Variants in TNS1 observed in about 807,000 individuals in gnomAD.
The protein encoded by TNS1 is tensin-1.
TNS1 carries 62 observed loss-of-function variants against 168.6 expected under a neutral mutation model. That is an observed-to-expected ratio of 0.37 (90% CI 0.30 to 0.45). The LOEUF is 0.45. TNS1 is among the 20% of genes least tolerant of loss of function. The pLI is 1.00. For missense variants in TNS1, 2,240 were observed against 2,339.4 expected (o/e 0.96, Z 0.88); for synonymous variants, 934 against 933.2 (o/e 1.00, Z -0.02).
At chr2:217,922,695 G>C (rs554603719) in intron 3 of TNS1, among the ~76,000 whole-genome samples, 1 of 152,326 alleles carries the variant, frequency 6.6e-6, no homozygotes, top group South Asian at 2.1e-4. Flanking sequence ...GGACAGGAGG[G>C]GGCCCAGGTA....
intron 3 of TNS1, among the ~76,000 whole-genome samples, chr2:217,975,621 C>T (rs1428181067): frequency 2.6e-5 from 4 of 152,170 alleles, no homozygotes; most frequent in African/African-American, 4.8e-5. Flanking sequence ...CTGGAGCCAT[C>T]TTTCCTAGAA....
intron 22 of TNS1, among the ~76,000 whole-genome samples, chr2:217,822,180 T>C (rs570839538): frequency 1.2e-4 from 19 of 152,214 alleles, no homozygotes; most frequent in African/African-American, 4.6e-4. Flanking sequence ...CCTCAGAACA[T>C]GGCCATCAGA....
intron 22 of TNS1, among the ~76,000 whole-genome samples, chr2:217,828,407 A>G (rs1487405633): frequency 6.6e-6 from 1 of 152,200 alleles, no homozygotes; most frequent in Non-Finnish European, 1.5e-5. Context: ...GTCAAAGGAA[A>G]ATGGGAAATA....
chr2:217,988,749 T>A (rs1426320515), intron 2 of TNS1, among the ~76,000 whole-genome samples: 1 of 152,044 alleles, frequency 6.6e-6, no homozygotes, highest in Non-Finnish European at 1.5e-5. Flanking sequence ...GTTAGCCACT[T>A]TCCCTCCCCC....
chr2:217,851,084 T>C (rs1229524776), intron 18 of TNS1, among the ~76,000 whole-genome samples: 1 of 151,716 alleles, frequency 6.6e-6, no homozygotes, highest in Non-Finnish European at 1.5e-5. Context: ...CTTCAAACAG[T>C]ATGTAATTTT....
rs1284196787 is a variant in TNS1 at position 218,032,002 on chromosome 2, C to T, written c.156+1818G>A. 6.6e-6 allele frequency among the ~76,000 whole-genome samples: 1 copy of T among 152,246 alleles called. No individual in the cohort carries two copies. Among genetic ancestry groups the T allele is most frequent in the South Asian group, 2.1e-4 (1 of 4,838 alleles). On this transcript the variant is annotated intron_variant, in intron 1 of 1. Transcript: ENST00000649572. This position sits in a 1 kb window ranked among gnomAD's most constrained non-coding sequence, Gnocchi z 4.0. ...AGAGCAAGGAGGCACGACTGGCACCCGGAGATGCCCGCCAGGCCCCTTGGC... is the reference window on the plus strand; with the variant it reads ...AGAGCAAGGAGGCACGACTGGCACCTGGAGATGCCCGCCAGGCCCCTTGGC...
intron 32 of TNS1, among the ~76,000 whole-genome samples, chr2:217,805,474 AC>A (rs1938410412): frequency 2.2e-4 from 9 of 40,562 alleles, no homozygotes; most frequent in Non-Finnish European, 3.4e-4. Flanking sequence ...CACCACACAC[AC>A]CACACACACC....
At chr2:217,859,490 A>T (rs1452041346) in intron 18 of TNS1, 8 of 671,526 alleles carry the variant, frequency 1.2e-5, no homozygotes, top group Non-Finnish European at 2.1e-5. Context: ...GAATAGAAGG[A>T]CTGGGGTGTC....
At position 217,817,875 on chromosome 2, in the gene TNS1, G is replaced by A; in HGVS notation, c.4457C>T (p.Pro1486Leu). The stretch of plus-strand genomic sequence containing the variant: ...TCGCTTCTCTGGCAAGGCTGGTGTT[G>A]GGCTCCCTTGCCGGAAGGCTGCGGA... ...PDSAAFRQGS[P>L]TPALPEKRRM... The change falls in exon 24 of 33, where the codon CCA becomes CTA. Residue 1486 changes from proline (P) to leucine (L), a missense_variant. By Grantham distance (98) the Pro-to-Leu change is moderately conservative (BLOSUM62 -3). Coordinates refer to ENST00000682258, the MANE Select transcript of TNS1 (RefSeq NM_001387777.1). The A allele has an allele frequency of 6.2e-7, 1 of 1,614,146 alleles. No homozygotes were observed. Among genetic ancestry groups the A allele is most frequent in the South Asian group, 1.1e-5 (1 of 91,090 alleles).
chr2:218,031,094 G>A (rs530624261), intron 1 of TNS1, among the ~76,000 whole-genome samples: 117 of 133,118 alleles, frequency 8.8e-4, no homozygotes, highest in African/African-American at 3.8e-3. Flanking sequence ...GTGTGTGAGC[G>A]TGTCTGTGTG....
At chr2:217,909,386 G>A (rs752798797) in intron 4 of TNS1, among the ~76,000 whole-genome samples, 1 of 152,112 alleles carries the variant, frequency 6.6e-6, no homozygotes, top group Non-Finnish European at 1.5e-5. Context: ...ATGGAGTAGG[G>A]TGGACAAGCT....
At chr2:217,876,416 T>G (rs971898519) in intron 18 of TNS1, among the ~76,000 whole-genome samples, 8 of 152,174 alleles carry the variant, frequency 5.3e-5, no homozygotes, top group Non-Finnish European at 1.0e-4. Context: ...GCCAGAGCAC[T>G]GAGCCGGCAG....
chr2:217,816,161 G>A (rs755978578), intron 24 of TNS1, among the ~76,000 whole-genome samples: 9 of 152,186 alleles, frequency 5.9e-5, no homozygotes, highest in African/African-American at 7.2e-5. Context: ...GGCCCTAGCA[G>A]TCAGTTTAGG....
chr2:217,897,735 G>C lies in TNS1; in HGVS notation c.543+63C>G, dbSNP rs1002476274. The C allele has an allele frequency of 4.7e-6, 7 of 1,480,428 alleles. No homozygotes were observed. The Admixed American group carries it at 1.3e-4, about 28-fold the overall frequency. The allele number at this position is 1,480,428 out of a possible 1,614,324, so 91.7% of individuals were successfully genotyped here. A position where few individuals can be genotyped will look rare whatever the true frequency, so the allele number is the denominator to read the frequency against. Reference sequence around the variant, plus strand: ...TGGTGGCAGGGATACCAGTCATGTAGAGGTGGTGAGCAGATGGAAGCATAG... The same window carrying C: ...TGGTGGCAGGGATACCAGTCATGTACAGGTGGTGAGCAGATGGAAGCATAG... On this transcript the variant is annotated intron_variant, in intron 8 of 32. Coordinates refer to ENST00000682258, the MANE Select transcript of TNS1 (RefSeq NM_001387777.1).
At position 217,880,751 on chromosome 2, in the gene TNS1, A is replaced by T; in HGVS notation, c.1429+147T>A. 1 of 659,788 alleles carries T rather than the reference A, an allele frequency of 1.5e-6. No homozygotes were observed. Among genetic ancestry groups the T allele is most frequent in the Non-Finnish European group, 2.7e-6 (1 of 369,360 alleles). 40.9% of individuals were successfully genotyped at this position (659,788 alleles called of 1,614,324 possible). A position where few individuals can be genotyped will look rare whatever the true frequency, so the allele number is the denominator to read the frequency against. On this transcript the variant is annotated intron_variant, in intron 18 of 32. Coordinates refer to ENST00000682258, the MANE Select transcript of TNS1 (RefSeq NM_001387777.1). This position sits in a 1 kb window ranked among gnomAD's most constrained non-coding sequence, Gnocchi z 4.2. ...ATATGTGCCTTATCTTCCCCCAGTTAACGGTGAGCTCTCGGAGGTACCTCA... is the reference window on the plus strand; with the variant it reads ...ATATGTGCCTTATCTTCCCCCAGTTTACGGTGAGCTCTCGGAGGTACCTCA...
chr2:217,833,952 T>A (rs1944823565), intron 21 of TNS1, among the ~76,000 whole-genome samples: 1 of 152,280 alleles, frequency 6.6e-6, no homozygotes, highest in South Asian at 2.1e-4. Flanking sequence ...TTGACTTATT[T>A]GCCTATTGAA....
At chr2:217,929,745 G>T (rs1956222986) in intron 3 of TNS1, among the ~76,000 whole-genome samples, 1 of 140,586 alleles carries the variant, frequency 7.1e-6, no homozygotes, top group Non-Finnish European at 1.5e-5. Context: ...AGAGGCCCAT[G>T]TGTCTGTCTT....
chr2:218,023,804 T>C (rs1423756171), intron 1 of TNS1, among the ~76,000 whole-genome samples: 1 of 152,154 alleles, frequency 6.6e-6, no homozygotes, highest in Non-Finnish European at 1.5e-5. Flanking sequence ...CCTCCTTGTT[T>C]TGTTGCCGTG....
rs965954602 is a variant in TNS1 at position 217,841,994 on chromosome 2, G to A, written c.3007+5516C>T. The stretch of plus-strand genomic sequence containing the variant: ...TCTAACCCACCTTCACACCACAGGG[G>A]CCACAGGAGTGGCCAACATTGCCCC... On this transcript the variant is annotated intron_variant, in intron 19 of 32. Transcript: ENST00000682258. 109 of 692,772 alleles carry A rather than the reference G, an allele frequency of 1.6e-4. No individual in the cohort carries two copies. In the East Asian group the frequency reaches 2.9e-3, roughly 18 times the overall value. The allele number at this position is 692,772 out of a possible 1,614,324, so 42.9% of individuals were successfully genotyped here.
Sources: allele counts gnomAD v4.1 joint callset (sites outside exome capture counted in the v4.1 genomes callset), GRCh38; gene constraint gnomAD v4.1.1; non-coding constraint Gnocchi (gnomAD v3.1); transcripts MANE v1.5; gene names NCBI Gene and HGNC (gene_info 2026-07-23, HGNC 2026-07-21).